ZNF804B: variants seen among roughly 807,000 people sequenced by gnomAD.
ZNF804B encodes zinc finger 804B.
In ZNF804B, 80 loss-of-function variants were observed where a neutral mutation model predicts 101.4. The ratio of observed to expected loss-of-function variants is 0.79; its 90% CI spans 0.66 to 0.95. ZNF804B has a LOEUF of 0.95. ZNF804B is among the 40% of genes least tolerant of loss of function. The pLI, the probability that ZNF804B is intolerant of heterozygous loss-of-function variation, is 0.00. For synonymous variants in ZNF804B, 622 were observed against 558.8 expected (o/e 1.11, Z -1.59); for missense variants, 1,673 against 1,561.9 (o/e 1.07, Z -1.20).
At chr7:88,970,995 A>C (rs1336572445) in intron 1 of ZNF804B, among the ~76,000 whole-genome samples, 1 of 151,134 alleles carries the variant, frequency 6.6e-6, no homozygotes, top group African/African-American at 2.4e-5. Context: ...AAAAGAACAA[A>C]AAAAAATAAA....
At chr7:89,055,818 A>T (rs1392522717) in intron 1 of ZNF804B, among the ~76,000 whole-genome samples, 1 of 152,050 alleles carries the variant, frequency 6.6e-6, no homozygotes, top group African/African-American at 2.4e-5. Context: ...CTGCACAGGA[A>T]CAAGTGTATA....
At chr7:88,932,657 T>C (rs1792904487) in intron 1 of ZNF804B, among the ~76,000 whole-genome samples, 1 of 151,454 alleles carries the variant, frequency 6.6e-6, no homozygotes, top group Non-Finnish European at 1.5e-5. Flanking sequence ...AGGAGATGGG[T>C]AAATTCCTGA....
chr7:88,809,017 T>G (rs1790734270), intron 1 of ZNF804B, among the ~76,000 whole-genome samples: 1 of 152,182 alleles, frequency 6.6e-6, no homozygotes, highest in South Asian at 2.1e-4. Flanking sequence ...TTAGATAAAA[T>G]TCTTTTAACT....
At chr7:88,915,092 A>G (rs1343788764) in intron 1 of ZNF804B, among the ~76,000 whole-genome samples, 1 of 152,104 alleles carries the variant, frequency 6.6e-6, no homozygotes, top group Admixed American at 6.6e-5. Context: ...TATTATGTGT[A>G]TACTTTTAGG....
At chr7:88,804,094 C>G (rs1357100303) in intron 1 of ZNF804B, among the ~76,000 whole-genome samples, 2 of 152,020 alleles carry the variant, frequency 1.3e-5, no homozygotes, top group African/African-American at 4.8e-5. Context: ...TTGGCAATTA[C>G]GTTTACTAGG....
intron 2 of ZNF804B, among the ~76,000 whole-genome samples, chr7:89,302,833 G>T (rs182850223): frequency 6.6e-5 from 10 of 151,904 alleles, no homozygotes; most frequent in African/African-American, 1.9e-4. Context: ...CTTCATCTAG[G>T]TCAGTGCCTA....
chr7:89,211,599 C>G (rs1018594507), intron 1 of ZNF804B, among the ~76,000 whole-genome samples: 7 of 151,846 alleles, frequency 4.6e-5, no homozygotes, highest in Admixed American at 1.3e-4. Flanking sequence ...CCAGTTCTCC[C>G]AGTCCTTTCC....
chr7:88,784,935 C>T (rs1055609353), intron 1 of ZNF804B, among the ~76,000 whole-genome samples: 5 of 151,742 alleles, frequency 3.3e-5, no homozygotes, highest in East Asian at 1.9e-4. Context: ...TTTTATTTTC[C>T]GTAGGCATTT....
At chr7:89,029,465 A>G (rs1788800194) in intron 1 of ZNF804B, among the ~76,000 whole-genome samples, 1 of 152,194 alleles carries the variant, frequency 6.6e-6, no homozygotes, top group Admixed American at 6.6e-5. Flanking sequence ...TTAAGGGAAA[A>G]CATACACACA....
At chr7:89,078,376 T>C (rs1789643765) in intron 1 of ZNF804B, among the ~76,000 whole-genome samples, 3 of 152,080 alleles carry the variant, frequency 2.0e-5, no homozygotes, top group South Asian at 4.1e-4. Flanking sequence ...TTGAAAATTG[T>C]TGGTCATGCT....
intron 2 of ZNF804B, among the ~76,000 whole-genome samples, chr7:89,303,066 A>G (rs1029226091): frequency 5.9e-5 from 9 of 151,946 alleles, no homozygotes; most frequent in African/African-American, 2.2e-4. Context: ...TGTAGTAAGT[A>G]TCAAAACTGG....
At position 88,877,007 on chromosome 7, in the gene ZNF804B, A is replaced by AAT. The variant is rs1198344173; in HGVS notation, c.108+116941_108+116942dup. ...TATACAGAGAATATTTGAAAAAAAA[A>AAT]ATATATATATATATATATAATATAT... is the stretch of plus-strand genomic sequence containing the variant. On this transcript the variant is annotated intron_variant, in intron 1 of 3. Coordinates refer to ENST00000333190, the MANE Select transcript of ZNF804B (RefSeq NM_181646.5). Among the ~76,000 whole-genome samples the AAT allele has an allele frequency of 8.9e-3, 670 of 75,090 alleles. 8 individuals carry two copies. Among genetic ancestry groups the AAT allele is most frequent in the African/African-American group, 0.022 (233 of 10,654 alleles). The allele number at this position is 75,090 out of a possible 152,430, so 49.3% of individuals were successfully genotyped here.
In ZNF804B at chr7:89,336,925, C is replaced by T; in HGVS notation, c.3943C>T (p.Gln1315Ter). 1 of 1,614,014 alleles carries T rather than the reference C, an allele frequency of 6.2e-7. No homozygotes were observed. Among genetic ancestry groups the T allele is most frequent in the Non-Finnish European group, 8.5e-7 (1 of 1,179,984 alleles). The change falls in exon 4 of 4, where the codon CAA (glutamine) becomes TAA (stop). Residue 1315 changes from glutamine (Q) to a stop codon, truncating the protein, a stop_gained. Coordinates refer to ENST00000333190, the MANE Select transcript of ZNF804B (RefSeq NM_181646.5). LOFTEE classifies it high-confidence loss of function. Reference protein sequence around the residue: ...TSIIHLNPLIQPVFQGQDFCH... With the variant: ...TSIIHLNPLI ...TATCATCCACTTGAATCCTTTAATC[C>T]AACCAGTATTCCAAGGTCAAGATTT...
chr7:89,223,747 C>T (rs371007717), intron 2 of ZNF804B, among the ~76,000 whole-genome samples: 73 of 151,724 alleles, frequency 4.8e-4, no homozygotes, highest in African/African-American at 1.7e-3. Flanking sequence ...ATCAATAACA[C>T]ACCTGATTTT....
chr7:89,108,698 T>A (rs1790171459), intron 1 of ZNF804B, among the ~76,000 whole-genome samples: 1 of 152,066 alleles, frequency 6.6e-6, no homozygotes. Flanking sequence ...GAGAAACATT[T>A]CTGTAGAAGG....
At chr7:88,850,620 A>G (rs531536757) in intron 1 of ZNF804B, among the ~76,000 whole-genome samples, 110 of 152,300 alleles carry the variant, frequency 7.2e-4, no homozygotes, top group African/African-American at 2.5e-3. Context: ...AAAATGCCTA[A>G]GAAACTTAAT....
At chr7:89,132,905 A>C (rs1024901510) in intron 1 of ZNF804B, among the ~76,000 whole-genome samples, 1 of 151,926 alleles carries the variant, frequency 6.6e-6, no homozygotes, top group African/African-American at 2.4e-5. Flanking sequence ...CACTTTAGAG[A>C]GGAAGGGGCT....
intron 1 of ZNF804B, among the ~76,000 whole-genome samples, chr7:89,093,532 T>G (rs1034539024): frequency 6.6e-6 from 1 of 152,252 alleles, no homozygotes; most frequent in Non-Finnish European, 1.5e-5. Context: ...ATGTAAAGTT[T>G]CATGAATTGA....
intron 1 of ZNF804B, among the ~76,000 whole-genome samples, chr7:88,986,750 G>A (rs566790224): frequency 6.6e-6 from 1 of 152,090 alleles, no homozygotes; most frequent in Admixed American, 6.6e-5. Flanking sequence ...CCTATTTCTA[G>A]ATCTTTGTGT....
Sources: gnomAD v4.1 joint callset for allele counts (sites outside exome capture counted in the v4.1 genomes callset) on GRCh38, gnomAD v4.1.1 for gene constraint, MANE v1.5 for transcripts, NCBI Gene and HGNC (gene_info 2026-07-23, HGNC 2026-07-21) for gene names.